Variants in MAPKAP1 observed in about 807,000 individuals in gnomAD.
MAPKAP1 encodes MAPK associated protein 1.
Under a neutral mutation model 65.7 loss-of-function variants are expected in MAPKAP1, and 20 were observed. That is an observed-to-expected ratio of 0.30 (90% CI 0.21 to 0.44). The LOEUF is 0.44. MAPKAP1 is among the 20% of genes least tolerant of loss of function. The probability of loss-of-function intolerance (pLI) is 1.00; values close to 1 mark genes in which losing one functional copy is unlikely to be tolerated. For synonymous variants in MAPKAP1, 222 were observed against 244.3 expected, an observed-to-expected ratio of 0.91 and a Z score of 0.85; for missense variants, 423 against 648.0, an observed-to-expected ratio of 0.65 and a Z score of 3.77.
At chr9:125,659,634 C>T (rs763196045) in intron 3 of MAPKAP1, among the ~76,000 whole-genome samples, 9 of 151,516 alleles carry the variant, frequency 5.9e-5, no homozygotes, top group Admixed American at 2.0e-4. Flanking sequence ...AGCTCTCCAG[C>T]AATTCTCTTC....
At chr9:125,628,584 G>A (rs554157262) in intron 4 of MAPKAP1, among the ~76,000 whole-genome samples, 18 of 152,174 alleles carry the variant, frequency 1.2e-4, no homozygotes, top group African/African-American at 4.1e-4. Flanking sequence ...ATGGATTAAA[G>A]GCTTAATGTA....
chr9:125,623,006 C>T (rs1589353411), intron 4 of MAPKAP1, among the ~76,000 whole-genome samples: 7 of 152,064 alleles, frequency 4.6e-5, no homozygotes, highest in Admixed American at 3.3e-4. Context: ...CTGTGTTGGC[C>T]GGGCCGGTCT....
intron 4 of MAPKAP1, among the ~76,000 whole-genome samples, chr9:125,603,623 T>C (rs1832368189): frequency 6.6e-6 from 1 of 152,208 alleles, no homozygotes. Context: ...TGAGTCTTAG[T>C]CAGTCCAACC....
intron 4 of MAPKAP1, among the ~76,000 whole-genome samples, chr9:125,606,648 G>A (rs1229598221): frequency 5.9e-5 from 9 of 152,204 alleles, no homozygotes; most frequent in Non-Finnish European, 7.3e-5. Flanking sequence ...GCAGAGTCTA[G>A]GTTCTTTGTT....
intron 4 of MAPKAP1, among the ~76,000 whole-genome samples, chr9:125,653,371 CAT>C (rs1833945814): frequency 6.6e-6 from 1 of 152,146 alleles, no homozygotes; most frequent in Non-Finnish European, 1.5e-5. Context: ...AGTGGAAAGT[CAT>C]GTGGAAAATA....
intron 4 of MAPKAP1, among the ~76,000 whole-genome samples, chr9:125,592,634 G>A (rs1831998605): frequency 6.6e-6 from 1 of 152,328 alleles, no homozygotes; most frequent in African/African-American, 2.4e-5. Flanking sequence ...GCCAGGCGCA[G>A]TGGCTCATGC....
In MAPKAP1 at chr9:125,496,981, T is replaced by C. The variant is rs575119968; in HGVS notation, c.1066+9329A>G. 2.6e-5 allele frequency among the ~76,000 whole-genome samples: 4 copies of C among 152,212 alleles called. No homozygotes were observed. In the South Asian group the frequency reaches 8.3e-4, roughly 32 times the overall value. ...AGTGTGAGGGGTGGTCACAGTCTAGTGTGGGACTTGGCAAATCCATTCAGG... is the reference window on the plus strand; with the variant it reads ...AGTGTGAGGGGTGGTCACAGTCTAGCGTGGGACTTGGCAAATCCATTCAGG... On this transcript the variant is annotated intron_variant, in intron 8 of 11. Coordinates refer to ENST00000265960, the MANE Select transcript of MAPKAP1 (RefSeq NM_001006617.3).
Position 125,565,100 on chromosome 9 carries a change from C to T in MAPKAP1, c.672-5291G>A, listed in dbSNP as rs145374873. Among the ~76,000 whole-genome samples, 5 of 152,244 alleles carry T rather than the reference C, an allele frequency of 3.3e-5. No homozygotes were observed. In the East Asian group the frequency reaches 9.6e-4, roughly 29 times the overall value. On this transcript the variant is annotated intron_variant, in intron 5 of 11. Coordinates refer to ENST00000265960, the MANE Select transcript of MAPKAP1 (RefSeq NM_001006617.3). ...TGTACAGGGCAGAATATATATGATACATAAATCATATCTCCAAATCTTTAA... is the reference window on the plus strand; with the variant it reads ...TGTACAGGGCAGAATATATATGATATATAAATCATATCTCCAAATCTTTAA...
chr9:125,446,803 G>GT (rs1852734739), intron 10 of MAPKAP1, among the ~76,000 whole-genome samples: 17 of 152,242 alleles, frequency 1.1e-4, no homozygotes, highest in African/African-American at 4.1e-4. Flanking sequence ...ACCTGCTCCC[G>GT]CTTGTCACTG....
At chr9:125,626,144 G>A (rs1833112293) in intron 4 of MAPKAP1, among the ~76,000 whole-genome samples, 2 of 152,204 alleles carry the variant, frequency 1.3e-5, no homozygotes, top group African/African-American at 4.8e-5. Context: ...ACTAGGTAAG[G>A]AAAACTGCTC....
chr9:125,462,487 A>C (rs1376052246), intron 10 of MAPKAP1, among the ~76,000 whole-genome samples: 2 of 152,246 alleles, frequency 1.3e-5, no homozygotes, highest in African/African-American at 4.8e-5. Context: ...GTGGATTAAG[A>C]CAGCCTCTGA....
intron 1 of MAPKAP1, among the ~76,000 whole-genome samples, chr9:125,686,348 A>C (rs1834975550): frequency 6.6e-6 from 1 of 151,946 alleles, no homozygotes; most frequent in Non-Finnish European, 1.5e-5. Flanking sequence ...AAAAAGAAAA[A>C]AGAATAAAAA....
chr9:125,462,540 C>A (rs780889957), intron 10 of MAPKAP1, among the ~76,000 whole-genome samples: 1 of 152,208 alleles, frequency 6.6e-6, no homozygotes, highest in African/African-American at 2.4e-5. Flanking sequence ...TTCAGACCAG[C>A]CCATCTATAG....
chr9:125,603,354 G>A lies in MAPKAP1; in HGVS notation c.499-17627C>T, dbSNP rs1400293509. On this transcript the variant is annotated intron_variant, in intron 4 of 11. Coordinates refer to ENST00000265960, the MANE Select transcript of MAPKAP1 (RefSeq NM_001006617.3). Reference sequence around the variant, plus strand: ...TACCCAGGTGGCAGTACCCAATTGTGCTCTAATAATGACAAAAGAGGAAAA... The same window carrying A: ...TACCCAGGTGGCAGTACCCAATTGTACTCTAATAATGACAAAAGAGGAAAA... Among the ~76,000 whole-genome samples, 3 of 152,068 alleles carry A rather than the reference G, an allele frequency of 2.0e-5. No homozygotes were observed. In the East Asian group the frequency reaches 5.8e-4, roughly 29 times the overall value.
chr9:125,562,223 CA>C (rs1459387939), intron 5 of MAPKAP1, among the ~76,000 whole-genome samples: 2 of 152,198 alleles, frequency 1.3e-5, no homozygotes, highest in Non-Finnish European at 2.9e-5. Flanking sequence ...CCTCTCAAAA[CA>C]AATTCAATAA....
chr9:125,620,984 C>A (rs1437557099), intron 4 of MAPKAP1, among the ~76,000 whole-genome samples: 1 of 152,068 alleles, frequency 6.6e-6, no homozygotes, highest in Non-Finnish European at 1.5e-5. Flanking sequence ...AACAACAGTG[C>A]CATCAGGCCA....
intron 4 of MAPKAP1, among the ~76,000 whole-genome samples, chr9:125,614,344 C>T (rs1361819256): frequency 6.6e-6 from 1 of 152,154 alleles, no homozygotes; most frequent in Admixed American, 6.5e-5. Context: ...CATATTAAAG[C>T]TAGGCGTGAT....
At chr9:125,545,039 C>T (rs1830380348) in intron 6 of MAPKAP1, among the ~76,000 whole-genome samples, 1 of 152,224 alleles carries the variant, frequency 6.6e-6, no homozygotes, top group Admixed American at 6.5e-5. Flanking sequence ...GTCTGGCCAG[C>T]ACCATCATCC....
At chr9:125,686,337 G>T (rs1220386789) in intron 1 of MAPKAP1, among the ~76,000 whole-genome samples, 1 of 147,708 alleles carries the variant, frequency 6.8e-6, no homozygotes, top group East Asian at 2.0e-4. Context: ...AAAAGAAAAA[G>T]AAAAAGAAAA....
Sources: gnomAD v4.1 joint callset for allele counts (sites outside exome capture counted in the v4.1 genomes callset) on GRCh38, gnomAD v4.1.1 for gene constraint, MANE v1.5 for transcripts, NCBI Gene and HGNC (gene_info 2026-07-23, HGNC 2026-07-21) for gene names.